The following FLRT1 variants were observed in gnomAD, a reference collection of about 807,000 sequenced individuals.
The protein encoded by FLRT1 is fibronectin leucine rich transmembrane protein 1.
Under a neutral mutation model 30.9 loss-of-function variants are expected in FLRT1, and 14 were observed. The observed-to-expected ratio is 0.45, with a 90% CI of 0.30 to 0.71. The LOEUF is 0.71. FLRT1 is among the 30% of genes least tolerant of loss of function. The pLI is 0.08. For missense variants in FLRT1, 737 were observed against 949.2 expected (o/e 0.78, Z 2.94); for synonymous variants, 368 against 430.4 (o/e 0.85, Z 1.80).
At chr11:64,069,200 C>A (rs2250281) in intron 1 of FLRT1, among the ~76,000 whole-genome samples, 2 of 152,244 alleles carry the variant, frequency 1.3e-5, no homozygotes, top group Admixed American at 1.3e-4. Context: ...AGGGCCACTG[C>A]GCGCGGCCGG....
chr11:64,077,151 G>C (rs1389612603), intron 1 of FLRT1, among the ~76,000 whole-genome samples: 1 of 152,140 alleles, frequency 6.6e-6, no homozygotes, highest in African/African-American at 2.4e-5. Flanking sequence ...TCTCCCTGAT[G>C]ATGGAGAAAC....
In FLRT1 at chr11:64,064,640, C is replaced by T. The variant is rs1943962419; in HGVS notation, c.-1038+28481C>T. ...ATCCTGACAGCATTGGAACAGGATG[C>T]AGAGTAGGGGCCTCTGGCAGGACAT... On this transcript the variant is annotated intron_variant, in intron 1 of 2. Coordinates refer to ENST00000682287, the MANE Select transcript of FLRT1 (RefSeq NM_013280.5). This position sits in a 1 kb window ranked among gnomAD's most constrained non-coding sequence, Gnocchi z 4.5. 6.6e-6 allele frequency among the ~76,000 whole-genome samples: 1 copy of T among 150,704 alleles called. No homozygotes were observed. The highest frequency in any genetic ancestry group is 1.5e-5 in the Non-Finnish European group (1 of 67,522).
At chr11:64,063,747 G>A (rs750480226) in intron 1 of FLRT1, among the ~76,000 whole-genome samples, 2 of 152,148 alleles carry the variant, frequency 1.3e-5, no homozygotes, top group Non-Finnish European at 2.9e-5. Flanking sequence ...GCAGCCACGC[G>A]GTCCTCGCCC....
At chr11:64,091,804 C>G (rs1407867786) in intron 1 of FLRT1, among the ~76,000 whole-genome samples, 1 of 152,186 alleles carries the variant, frequency 6.6e-6, no homozygotes, top group Non-Finnish European at 1.5e-5. Flanking sequence ...GACAGTGGGC[C>G]ACTACCCCAG....
intron 2 of FLRT1, among the ~76,000 whole-genome samples, chr11:64,110,747 C>T (rs565572347): frequency 2.6e-5 from 4 of 152,272 alleles, no homozygotes; most frequent in Non-Finnish European, 4.4e-5. Flanking sequence ...CACGCAAGGG[C>T]GACAAGCGAT....
chr11:64,114,880 A>G (rs1367781479), intron 2 of FLRT1, among the ~76,000 whole-genome samples: 2 of 152,184 alleles, frequency 1.3e-5, no homozygotes, highest in African/African-American at 4.8e-5. Context: ...GTAACATTTG[A>G]GCTGGGTCCT....
intron 1 of FLRT1, among the ~76,000 whole-genome samples, chr11:64,042,890 A>G (rs559692552): frequency 2.6e-4 from 40 of 152,288 alleles, no homozygotes; most frequent in African/African-American, 8.4e-4. Context: ...CTGGCTTGAC[A>G]AGCTCTGCCT....
rs1944704784 is a variant in FLRT1, at chr11:64,103,372, G to A, written c.-859G>A. On this transcript the variant is annotated 5_prime_UTR_variant, in exon 2 of 3. It introduces an in-frame stop codon into an upstream open reading frame of the 5' UTR. Coordinates refer to ENST00000682287, the MANE Select transcript of FLRT1 (RefSeq NM_013280.5). Reference sequence around the variant, plus strand: ...AGCATCTTCTCAAAGAAGGGCATGTGGGGGCCTGACAGCTCAGCTGCATGT... The same window carrying A: ...AGCATCTTCTCAAAGAAGGGCATGTAGGGGCCTGACAGCTCAGCTGCATGT... 6.6e-6 allele frequency: 1 copy of A among 152,212 alleles called. No individual in the cohort carries two copies. The highest frequency in any genetic ancestry group is 6.5e-5 in the Admixed American group (1 of 15,278). The allele number at this position is 152,212 out of a possible 1,614,324, so 9.4% of individuals were successfully genotyped here.
chr11:64,081,087 T>C (rs1413895901), intron 1 of FLRT1, among the ~76,000 whole-genome samples: 1 of 152,198 alleles, frequency 6.6e-6, no homozygotes, highest in African/African-American at 2.4e-5. Context: ...AGTGGCATGA[T>C]CTCAGCTCAC....
intron 1 of FLRT1, among the ~76,000 whole-genome samples, chr11:64,081,492 G>T (rs776105305): frequency 6.6e-5 from 10 of 152,154 alleles, no homozygotes; most frequent in Non-Finnish European, 8.8e-5. Flanking sequence ...GACAAGCCCT[G>T]CCTGGTACGT....
chr11:64,089,891 TGTGACC>T (rs1290917369), intron 1 of FLRT1, among the ~76,000 whole-genome samples: 1 of 152,174 alleles, frequency 6.6e-6, no homozygotes, highest in East Asian at 1.9e-4. Flanking sequence ...CTCTGCCCTG[TGTGACC>T]CTGGGCAGGG....
chr11:64,101,313 T>C (rs1391285478), intron 1 of FLRT1, among the ~76,000 whole-genome samples: 1 of 152,128 alleles, frequency 6.6e-6, no homozygotes, highest in Admixed American at 6.5e-5. Context: ...CTGAGAGCTA[T>C]GGGACGCTCT....
At chr11:64,037,703 T>C (rs1419577773) in intron 1 of FLRT1, among the ~76,000 whole-genome samples, 1 of 152,092 alleles carries the variant, frequency 6.6e-6, no homozygotes, top group Non-Finnish European at 1.5e-5. Context: ...AGAGACTGGA[T>C]ACTCTTCAGT....
chr11:64,083,878 G>A (rs1003964093), intron 1 of FLRT1, among the ~76,000 whole-genome samples: 3 of 152,236 alleles, frequency 2.0e-5, no homozygotes, highest in Admixed American at 6.5e-5. Flanking sequence ...GGTGCTGGGC[G>A]AGTGTGAGCA....
chr11:64,097,264 G>C (rs1356087344), intron 1 of FLRT1, among the ~76,000 whole-genome samples: 1 of 152,266 alleles, frequency 6.6e-6, no homozygotes, highest in Non-Finnish European at 1.5e-5. Flanking sequence ...GGAGGGGCAG[G>C]TGGCTACGGT....
intron 1 of FLRT1, among the ~76,000 whole-genome samples, chr11:64,078,614 G>A (rs1944247098): frequency 6.6e-6 from 1 of 152,166 alleles, no homozygotes; most frequent in African/African-American, 2.4e-5. Context: ...AGGATTGCCT[G>A]GCCCTCTCCT....
chr11:64,083,592 G>A (rs950056938), intron 1 of FLRT1, among the ~76,000 whole-genome samples: 2 of 152,098 alleles, frequency 1.3e-5, no homozygotes, highest in Admixed American at 6.5e-5. Context: ...AAATCCTTTC[G>A]AGAACGAGCC....
At chr11:64,114,665 GGATA>G (rs1283299845) in intron 2 of FLRT1, among the ~76,000 whole-genome samples, 1 of 151,576 alleles carries the variant, frequency 6.6e-6, no homozygotes, top group African/African-American at 2.4e-5. Context: ...ATGGACAGGT[GGATA>G]GATGGATGGA....
At chr11:64,106,937 A>C (rs910868314) in intron 2 of FLRT1, among the ~76,000 whole-genome samples, 1 of 151,900 alleles carries the variant, frequency 6.6e-6, no homozygotes, top group Non-Finnish European at 1.5e-5. Flanking sequence ...GCTGGAGTGC[A>C]GTGGCACGAT....
Sources: allele counts gnomAD v4.1 joint callset (sites outside exome capture counted in the v4.1 genomes callset), GRCh38; gene constraint gnomAD v4.1.1; non-coding constraint Gnocchi (gnomAD v3.1); transcripts MANE v1.5; gene names NCBI Gene and HGNC (gene_info 2026-07-23, HGNC 2026-07-21).